PRKDC: variants seen among roughly 807,000 people sequenced by gnomAD.
The protein encoded by PRKDC is protein kinase, DNA-activated, catalytic subunit, also known as DNA-dependent protein kinase catalytic subunit.
Under a neutral mutation model 486.9 loss-of-function variants are expected in PRKDC, and 82 were observed. The ratio of observed to expected loss-of-function variants is 0.17; its 90% CI spans 0.14 to 0.20. The LOEUF (loss-of-function observed/expected upper bound fraction) is 0.20, where lower values mean the gene tolerates loss of function less well. Ranked by LOEUF, PRKDC falls within the 10% of genes least tolerant of loss-of-function variation. The pLI, the probability that PRKDC is intolerant of heterozygous loss-of-function variation, is 1.00. For synonymous variants in PRKDC, 1,895 were observed against 1,837.0 expected, an observed-to-expected ratio of 1.03 and a Z score of -0.81; for missense variants, 4,504 against 5,038.2, an observed-to-expected ratio of 0.89 and a Z score of 3.21.
In PRKDC at chr8:47,939,533, TA is replaced by T; in HGVS notation, c.1113+17del. The T allele has an allele frequency of 6.2e-7, 1 of 1,601,130 alleles. No individual in the cohort carries two copies. The highest frequency in any genetic ancestry group is 8.5e-7 in the Non-Finnish European group (1 of 1,174,692). On this transcript the variant is annotated intron_variant, in intron 11 of 85. Transcript: ENST00000314191. Reference sequence around the variant, plus strand: ...CACGTGAAACCAAGACAAAATAGAGTAAGTTAATGAGACATACTCCTGCAAA... The same window carrying T: ...CACGTGAAACCAAGACAAAATAGAGTAGTTAATGAGACATACTCCTGCAAA...
intron 54 of PRKDC, among the ~76,000 whole-genome samples, chr8:47,840,457 T>C (rs1230000837): frequency 6.6e-6 from 1 of 152,236 alleles, no homozygotes; most frequent in Non-Finnish European, 1.5e-5. Flanking sequence ...TCTAGTTTGG[T>C]AAATAGTAAT....
At chr8:47,901,908 C>T (rs550855956) in intron 27 of PRKDC, among the ~76,000 whole-genome samples, 1 of 152,322 alleles carries the variant, frequency 6.6e-6, no homozygotes, top group South Asian at 2.1e-4. Context: ...CCTTGGACCT[C>T]TGAAATGGCC....
intron 76 of PRKDC, among the ~76,000 whole-genome samples, chr8:47,787,852 A>G (rs190550768): frequency 3.9e-5 from 6 of 152,310 alleles, no homozygotes; most frequent in Admixed American, 3.9e-4. Flanking sequence ...GGTGATGAAA[A>G]TGTACTAAAA....
intron 34 of PRKDC, 125 bp downstream of exon 34, chr8:47,888,393 G>T: frequency 1.3e-6 from 1 of 773,798 alleles, no homozygotes; most frequent in Non-Finnish European, 1.9e-6. Flanking sequence ...TCTTGAGCAA[G>T]TATTTCTATA....
chr8:47,882,027 A>G lies in PRKDC; in HGVS notation c.4847T>C (p.Leu1616Pro). 1 of 1,614,024 alleles carries G rather than the reference A, an allele frequency of 6.2e-7. No homozygotes were observed. The highest frequency in any genetic ancestry group is 8.5e-7 in the Non-Finnish European group (1 of 1,179,890). The change falls in exon 37 of 86, where the codon CTG becomes CCG. Residue 1616 changes from leucine to proline, a missense_variant. Around this residue, in one of 6 missense-constraint regions of PRKDC, gnomAD observed 1,969 missense variants for 2,068.9 expected, o/e 0.95. Coordinates refer to ENST00000314191, the MANE Select transcript of PRKDC (RefSeq NM_006904.7). The stretch of plus-strand genomic sequence containing the variant: ...TTGCAGAATTGTAGTCGCAAGTTTC[A>G]GTCCTTGGTGTTTCTGGTTTGCTCG... Reference protein sequence around the residue: ...RERANQKHQGLKLATTILQHW... With the variant: ...RERANQKHQGPKLATTILQHW...
chr8:47,930,214 C>T (rs1294067122), intron 17 of PRKDC, among the ~76,000 whole-genome samples: 2 of 152,158 alleles, frequency 1.3e-5, no homozygotes, highest in African/African-American at 4.8e-5. Flanking sequence ...TAACCTAGTA[C>T]ACTTAGATAT....
At chr8:47,957,541 C>G in intron 1 of PRKDC, 110 bp from the exon 2 acceptor site, 1 of 903,684 alleles carries the variant, frequency 1.1e-6, no homozygotes, top group Non-Finnish European at 1.7e-6. Flanking sequence ...GATGGAGTCT[C>G]GCTCTGTCGC....
intron 48 of PRKDC, 78 bp from the exon 49 acceptor site, chr8:47,857,377 A>C (rs1411023869): frequency 2.1e-6 from 3 of 1,438,756 alleles, no homozygotes; most frequent in Non-Finnish European, 1.9e-6. Flanking sequence ...TGTATCTTCC[A>C]TCAGCTAAAA....
chr8:47,862,394 C>T lies in PRKDC; in HGVS notation c.5898G>A (p.Leu1966=), dbSNP rs1411278060. Residue 1966 remains leucine, a synonymous_variant, in exon 43 of 86, where the codon CTG becomes CTA. Coordinates refer to ENST00000314191, the MANE Select transcript of PRKDC (RefSeq NM_006904.7). ...CTACCTTTTCTGGTTTTTCACTAAA[C>T]AGAAAACCTTGGTAAAATTTTAACT... ...FNELKFYQGF[L]FSEKPEKNLL... The T allele has an allele frequency of 6.2e-7, 1 of 1,613,910 alleles. No individual in the cohort carries two copies. Among genetic ancestry groups the T allele is most frequent in the Admixed American group, 1.7e-5 (1 of 60,014 alleles).
chr8:47,838,568 C>T (rs1382528629), intron 56 of PRKDC, among the ~76,000 whole-genome samples: 2 of 150,728 alleles, frequency 1.3e-5, no homozygotes, highest in African/African-American at 4.9e-5. Flanking sequence ...GCTACAGTTA[C>T]ACTACTGCAC....
chr8:47,877,262 T>C (rs1004955472), intron 40 of PRKDC, among the ~76,000 whole-genome samples: 7 of 152,216 alleles, frequency 4.6e-5, no homozygotes, highest in African/African-American at 1.4e-4. Flanking sequence ...GGACCAAATT[T>C]CAAATAAGCC....
chr8:47,790,744 C>A (rs571564293), intron 74 of PRKDC, among the ~76,000 whole-genome samples: 2 of 152,124 alleles, frequency 1.3e-5, no homozygotes, highest in African/African-American at 4.8e-5. Flanking sequence ...AATAGAGAAC[C>A]CAGAAATAAA....
intron 7 of PRKDC, among the ~76,000 whole-genome samples, chr8:47,947,543 G>A (rs192625714): frequency 4.6e-5 from 7 of 152,322 alleles, no homozygotes; most frequent in Non-Finnish European, 8.8e-5. Context: ...TAAGGCGGGT[G>A]GATTGCTTCA....
intron 7 of PRKDC, among the ~76,000 whole-genome samples, chr8:47,952,389 CTG>C (rs1362068488): frequency 1.3e-5 from 2 of 152,222 alleles, no homozygotes; most frequent in African/African-American, 4.8e-5. Flanking sequence ...ATGAGTTCAT[CTG>C]TGTAACTTTT....
rs149318799 is a variant in PRKDC, at chr8:47,874,196, G to A, written c.5363+3528C>T. ...GATCTCCTGACCTTATGATCTGCCC[G>A]CCTTGGCCTCCCAAAGTGCTGGGAT... On this transcript the variant is annotated intron_variant, in intron 40 of 85. Transcript: ENST00000314191. Among the ~76,000 whole-genome samples, 934 of 151,608 alleles carry A rather than the reference G, an allele frequency of 6.2e-3. 13 individuals carry two copies. Among genetic ancestry groups the A allele is most frequent in the African/African-American group, 0.022 (903 of 41,354 alleles).
chr8:47,899,316 A>G (rs577326594), intron 28 of PRKDC, among the ~76,000 whole-genome samples: 79 of 152,226 alleles, frequency 5.2e-4, no homozygotes, highest in Non-Finnish European at 9.7e-4. Flanking sequence ...GACTATCAAC[A>G]TGAAGGATAA....
intron 10 of PRKDC, among the ~76,000 whole-genome samples, chr8:47,940,410 T>G (rs986848608): frequency 2.0e-5 from 3 of 152,142 alleles, no homozygotes; most frequent in Admixed American, 6.6e-5. Flanking sequence ...GGAAGAAATC[T>G]ATCTAGACAA....
intron 74 of PRKDC, among the ~76,000 whole-genome samples, chr8:47,792,333 A>T (rs2154497892): frequency 1.4e-5 from 2 of 146,742 alleles, no homozygotes; most frequent in South Asian, 4.3e-4. Flanking sequence ...ATCTCGGCTC[A>T]CTGCAAGCTC....
chr8:47,924,514 T>C (rs986385794), intron 21 of PRKDC, among the ~76,000 whole-genome samples: 1 of 151,920 alleles, frequency 6.6e-6, no homozygotes, highest in Non-Finnish European at 1.5e-5. Flanking sequence ...GAGCCAAGAT[T>C]GCACCACTGC....
Sources: allele counts gnomAD v4.1 joint callset (sites outside exome capture counted in the v4.1 genomes callset), GRCh38; gene constraint gnomAD v4.1.1; regional missense constraint gnomAD v4.1.1; transcripts MANE v1.5; gene names NCBI Gene and HGNC (gene_info 2026-07-23, HGNC 2026-07-21).